SEMA3E: variants seen among roughly 807,000 people sequenced by gnomAD.
SEMA3E encodes semaphorin 3E, also known as semaphorin-3E.
SEMA3E carries 49 observed loss-of-function variants against 93.6 expected under a neutral mutation model. The observed-to-expected ratio is 0.52, with a 90% CI of 0.42 to 0.66. The LOEUF (loss-of-function observed/expected upper bound fraction) is 0.66, where lower values mean the gene tolerates loss of function less well. Ranked by LOEUF, SEMA3E falls within the 30% of genes least tolerant of loss-of-function variation. SEMA3E has a pLI of 0.00. For synonymous variants in SEMA3E, 363 were observed against 330.7 expected, an observed-to-expected ratio of 1.10 and a Z score of -1.06; for missense variants, 906 against 964.8, an observed-to-expected ratio of 0.94 and a Z score of 0.81.
At chr7:83,494,809 T>G (rs1311387675) in intron 1 of SEMA3E, among the ~76,000 whole-genome samples, 2 of 151,958 alleles carry the variant, frequency 1.3e-5, no homozygotes, top group Non-Finnish European at 2.9e-5. Context: ...AGTGTGACAA[T>G]AGCTCCTGCA....
At chr7:83,544,978 C>T (rs1791615219) in intron 1 of SEMA3E, among the ~76,000 whole-genome samples, 1 of 152,018 alleles carries the variant, frequency 6.6e-6, no homozygotes, top group Non-Finnish European at 1.5e-5. Context: ...TAGATGAAAG[C>T]ATTTTCAATC....
Position 83,367,460 on chromosome 7 carries a change from T to C in SEMA3E, c.*126A>G. 2.1e-6 allele frequency: 2 copies of C among 964,554 alleles called. No individual in the cohort carries two copies. Among genetic ancestry groups the C allele is most frequent in the Non-Finnish European group, 3.3e-6 (2 of 600,876 alleles). 59.7% of individuals were successfully genotyped at this position (964,554 alleles called of 1,614,324 possible). ...ATGTAGAATAATTTATTATAACACCTTCATAGTCATTCCTGTATTACAGAA... is the reference window on the plus strand; with the variant it reads ...ATGTAGAATAATTTATTATAACACCCTCATAGTCATTCCTGTATTACAGAA... On this transcript the variant is annotated 3_prime_UTR_variant, in exon 17 of 17. Transcript: ENST00000643230.
intron 2 of SEMA3E, among the ~76,000 whole-genome samples, chr7:83,477,874 C>G (rs1174142124): frequency 6.6e-6 from 1 of 151,330 alleles, no homozygotes; most frequent in Admixed American, 6.6e-5. Flanking sequence ...ACAGAATTAT[C>G]TAACAGAACT....
intron 1 of SEMA3E, 89 bp downstream of exon 1, chr7:83,648,339 G>T: frequency 1.1e-6 from 1 of 905,844 alleles, no homozygotes; most frequent in Non-Finnish European, 1.7e-6. Context: ...AAGACCATAA[G>T]CCTATGTTAA....
intron 1 of SEMA3E, among the ~76,000 whole-genome samples, chr7:83,578,875 A>G (rs1311574379): frequency 6.6e-6 from 1 of 152,138 alleles, no homozygotes; most frequent in Non-Finnish European, 1.5e-5. Context: ...GCTTATTCAA[A>G]TATTGGCCCT....
intron 2 of SEMA3E, among the ~76,000 whole-genome samples, chr7:83,488,339 G>A (rs984628594): frequency 2.0e-5 from 3 of 152,012 alleles, no homozygotes; most frequent in African/African-American, 7.2e-5. Context: ...AGTGCAAGGG[G>A]TATAAAAAGA....
intron 1 of SEMA3E, among the ~76,000 whole-genome samples, chr7:83,570,078 T>C (rs1792241473): frequency 6.6e-6 from 1 of 152,114 alleles, no homozygotes; most frequent in Admixed American, 6.6e-5. Flanking sequence ...TTTTCACAAC[T>C]ACACAAAAAC....
chr7:83,485,619 G>A (rs1790235086), intron 2 of SEMA3E, among the ~76,000 whole-genome samples: 2 of 151,974 alleles, frequency 1.3e-5, no homozygotes, highest in Non-Finnish European at 1.5e-5. Flanking sequence ...CCCAAAAGTA[G>A]TGACACTACA....
chr7:83,578,817 T>G (rs1263771007), intron 1 of SEMA3E, among the ~76,000 whole-genome samples: 1 of 151,980 alleles, frequency 6.6e-6, no homozygotes, highest in Admixed American at 6.6e-5. Context: ...GACTTCAAAA[T>G]AGAAATGATT....
At chr7:83,417,314 C>T (rs1788572976) in intron 5 of SEMA3E, among the ~76,000 whole-genome samples, 1 of 151,998 alleles carries the variant, frequency 6.6e-6, no homozygotes, top group Non-Finnish European at 1.5e-5. Context: ...CAAGACCCAT[C>T]AAAATAAACT....
intron 4 of SEMA3E, among the ~76,000 whole-genome samples, chr7:83,454,230 C>T (rs1789427803): frequency 2.5e-5 from 3 of 118,210 alleles, no homozygotes; most frequent in East Asian, 2.8e-4. Context: ...TGCACTCCAG[C>T]GTGGGCGACA....
chr7:83,525,335 T>C (rs1472230196), intron 1 of SEMA3E, among the ~76,000 whole-genome samples: 1 of 152,154 alleles, frequency 6.6e-6, no homozygotes, highest in Non-Finnish European at 1.5e-5. Context: ...TAAAATGTTA[T>C]GATGACCTGC....
At chr7:83,506,448 A>T (rs1790707300) in intron 1 of SEMA3E, among the ~76,000 whole-genome samples, 1 of 152,120 alleles carries the variant, frequency 6.6e-6, no homozygotes, top group African/African-American at 2.4e-5. Context: ...GCAGAAGGAT[A>T]GTTCCCAGAG....
At chr7:83,628,171 T>C (rs1793712221) in intron 1 of SEMA3E, among the ~76,000 whole-genome samples, 1 of 152,220 alleles carries the variant, frequency 6.6e-6, no homozygotes, top group South Asian at 2.1e-4. Context: ...TTGTAGGGCT[T>C]CTGCAGAGAT....
At chr7:83,434,469 C>T (rs1228647412) in intron 4 of SEMA3E, among the ~76,000 whole-genome samples, 1 of 152,158 alleles carries the variant, frequency 6.6e-6, no homozygotes, top group Non-Finnish European at 1.5e-5. Context: ...AATATGCTTT[C>T]AACTTATCAA....
intron 4 of SEMA3E, among the ~76,000 whole-genome samples, chr7:83,431,505 A>G (rs1253176237): frequency 6.6e-6 from 1 of 152,152 alleles, no homozygotes; most frequent in Non-Finnish European, 1.5e-5. Context: ...TCCCAGGTTC[A>G]AGCCATTTTC....
intron 1 of SEMA3E, among the ~76,000 whole-genome samples, chr7:83,576,550 A>G (rs540870678): frequency 2.6e-5 from 4 of 152,272 alleles, no homozygotes; most frequent in East Asian, 1.9e-4. Context: ...GTTTTTTTCA[A>G]TATCCAAGAT....
At chr7:83,526,149 T>C (rs1025330105) in intron 1 of SEMA3E, among the ~76,000 whole-genome samples, 5 of 152,104 alleles carry the variant, frequency 3.3e-5, no homozygotes, top group African/African-American at 1.2e-4. Context: ...TCTTCCCAAG[T>C]TGACATTCTA....
intron 2 of SEMA3E, among the ~76,000 whole-genome samples, chr7:83,486,165 G>A (rs1790248584): frequency 6.6e-6 from 1 of 152,008 alleles, no homozygotes; most frequent in Non-Finnish European, 1.5e-5. Context: ...CTACAGGCAT[G>A]TATCATATGT....
Sources: allele counts gnomAD v4.1 joint callset (sites outside exome capture counted in the v4.1 genomes callset), GRCh38; gene constraint gnomAD v4.1.1; transcripts MANE v1.5; gene names NCBI Gene and HGNC (gene_info 2026-07-23, HGNC 2026-07-21).